Variants in AHCYL2 observed in about 807,000 individuals in gnomAD.
AHCYL2 encodes adenosylhomocysteinase like 2, also known as S-adenosylhomocysteine hydrolase-like protein 2.
In AHCYL2, 28 loss-of-function variants were observed where a neutral mutation model predicts 81.4. The observed-to-expected ratio is 0.34, with a 90% CI of 0.25 to 0.47. The LOEUF is 0.47. Among genes scored for constraint, AHCYL2 ranks in the 20% least tolerant of loss-of-function variants. The pLI, the probability that AHCYL2 is intolerant of heterozygous loss-of-function variation, is 1.00. For synonymous variants in AHCYL2, 272 were observed against 290.2 expected (o/e 0.94, Z 0.64); for missense variants, 551 against 785.1 (o/e 0.70, Z 3.56).
chr7:129,405,512 G>T, intron 8 of AHCYL2: 1 of 338,976 alleles, frequency 3.0e-6, no homozygotes, highest in East Asian at 4.8e-5. Flanking sequence ...CAAGAAAGGG[G>T]AAAAAAAAAG....
At chr7:129,403,923 G>C (rs1204295604) in intron 7 of AHCYL2, among the ~76,000 whole-genome samples, 1 of 142,080 alleles carries the variant, frequency 7.0e-6, no homozygotes, top group Non-Finnish European at 1.5e-5. Context: ...CCACATCTCA[G>C]CTTGCTATGA....
intron 1 of AHCYL2, among the ~76,000 whole-genome samples, chr7:129,233,258 C>G (rs1412828970): frequency 6.6e-6 from 1 of 152,168 alleles, no homozygotes; most frequent in African/African-American, 2.4e-5. Context: ...AGTCACAGCT[C>G]ACTGTAGCCT....
chr7:129,369,614 G>A (rs1012273031), intron 1 of AHCYL2, among the ~76,000 whole-genome samples: 4 of 148,890 alleles, frequency 2.7e-5, no homozygotes, highest in African/African-American at 7.5e-5. Context: ...GTGCAGTGGC[G>A]TGATCTCAGC....
At chr7:129,286,116 T>C (rs1352759751) in intron 1 of AHCYL2, among the ~76,000 whole-genome samples, 2 of 152,138 alleles carry the variant, frequency 1.3e-5, no homozygotes, top group Admixed American at 1.3e-4. Flanking sequence ...GTGTCTTTCT[T>C]TGGAGGGTGA....
intron 1 of AHCYL2, among the ~76,000 whole-genome samples, chr7:129,239,882 C>G (rs1405089352): frequency 6.6e-6 from 1 of 151,940 alleles, no homozygotes; most frequent in Non-Finnish European, 1.5e-5. Context: ...ATGCCCAAGC[C>G]TCTACCCAGT....
At chr7:129,258,234 T>C (rs1371771200) in intron 1 of AHCYL2, among the ~76,000 whole-genome samples, 5 of 147,726 alleles carry the variant, frequency 3.4e-5, no homozygotes, top group Non-Finnish European at 7.5e-5. Flanking sequence ...TTCTCAATTT[T>C]TTTTTTTTTT....
intron 11 of AHCYL2, among the ~76,000 whole-genome samples, chr7:129,409,822 A>C (rs1343723780): frequency 6.6e-6 from 1 of 151,416 alleles, no homozygotes; most frequent in Non-Finnish European, 1.5e-5. Context: ...GATGAGATTC[A>C]CTTATAAAGT....
chr7:129,358,126 G>A (rs1430260713), intron 1 of AHCYL2, among the ~76,000 whole-genome samples: 1 of 151,826 alleles, frequency 6.6e-6, no homozygotes, highest in Admixed American at 6.6e-5. Flanking sequence ...AGGGGCGGTG[G>A]CTCACCCCTG....
At chr7:129,247,936 C>A (rs555222229) in intron 1 of AHCYL2, among the ~76,000 whole-genome samples, 4 of 152,272 alleles carry the variant, frequency 2.6e-5, no homozygotes, top group East Asian at 3.9e-4. Context: ...ACAAAGAAAT[C>A]TTTGTGTAAC....
At chr7:129,287,398 G>A (rs1242194034) in intron 1 of AHCYL2, among the ~76,000 whole-genome samples, 3 of 152,188 alleles carry the variant, frequency 2.0e-5, no homozygotes, top group South Asian at 4.1e-4. Flanking sequence ...TGTTTAATCA[G>A]TACTGGCTGT....
At chr7:129,280,879 T>C (rs991958051) in intron 1 of AHCYL2, among the ~76,000 whole-genome samples, 1 of 151,804 alleles carries the variant, frequency 6.6e-6, no homozygotes, top group Non-Finnish European at 1.5e-5. Flanking sequence ...TTTTTTTTTT[T>C]TTTGAGACAG....
Position 129,406,540 on chromosome 7 carries a change from T to A in AHCYL2, c.1295+74T>A. On this transcript the variant is annotated intron_variant, in intron 10 of 16. Coordinates refer to ENST00000325006, the MANE Select transcript of AHCYL2 (RefSeq NM_015328.4). This position sits in a 1 kb window ranked among gnomAD's most constrained non-coding sequence, Gnocchi z 4.3. ...AAGAATGGCCTGGTTGATGCCACAC[T>A]TTATTTTAGAGGAGCCCAGATCCTC... 7.0e-7 allele frequency: 1 copy of A among 1,434,922 alleles called. No homozygotes were observed. Among genetic ancestry groups the A allele is most frequent in the Non-Finnish European group, 9.8e-7 (1 of 1,017,506 alleles). 88.9% of individuals were successfully genotyped at this position (1,434,922 alleles called of 1,614,324 possible). A position where few individuals can be genotyped will look rare whatever the true frequency, so the allele number is the denominator to read the frequency against.
At chr7:129,386,704 T>G (rs1288103555) in intron 2 of AHCYL2, among the ~76,000 whole-genome samples, 1 of 152,148 alleles carries the variant, frequency 6.6e-6, no homozygotes, top group African/African-American at 2.4e-5. Flanking sequence ...CTTTTTGGTT[T>G]TCTTCTGACT....
chr7:129,276,752 G>GA (rs1362525778), intron 1 of AHCYL2, among the ~76,000 whole-genome samples: 13 of 93,920 alleles, frequency 1.4e-4, no homozygotes, highest in African/African-American at 3.0e-4. Flanking sequence ...AAAAAAAAAA[G>GA]AAAAAAACCA....
At chr7:129,307,439 CAA>C (rs1185515859) in intron 1 of AHCYL2, among the ~76,000 whole-genome samples, 1 of 152,070 alleles carries the variant, frequency 6.6e-6, no homozygotes, top group African/African-American at 2.4e-5. Context: ...ACTTAAGGCC[CAA>C]GGGCTCTTCA....
chr7:129,320,811 A>G (rs1048203339), intron 1 of AHCYL2, among the ~76,000 whole-genome samples: 7 of 152,072 alleles, frequency 4.6e-5, no homozygotes, highest in South Asian at 2.1e-4. Context: ...CCTGGCAACC[A>G]CTAACCTACT....
intron 1 of AHCYL2, among the ~76,000 whole-genome samples, chr7:129,352,157 G>A (rs1484528640): frequency 3.3e-5 from 5 of 152,040 alleles, no homozygotes; most frequent in Non-Finnish European, 7.4e-5. Flanking sequence ...AACTGCACTA[G>A]GCTCCTTTTT....
intron 1 of AHCYL2, among the ~76,000 whole-genome samples, chr7:129,339,142 C>G (rs1793068946): frequency 6.6e-6 from 1 of 152,194 alleles, no homozygotes; most frequent in Admixed American, 6.5e-5. Flanking sequence ...ACTTCTCCCT[C>G]GGTTCTAACT....
intron 1 of AHCYL2, among the ~76,000 whole-genome samples, chr7:129,297,209 A>G (rs1351264978): frequency 6.6e-6 from 1 of 152,202 alleles, no homozygotes; most frequent in Non-Finnish European, 1.5e-5. Flanking sequence ...ATCACTGTTT[A>G]TTCCAATTAC....
Sources: gnomAD v4.1 joint callset for allele counts (sites outside exome capture counted in the v4.1 genomes callset) on GRCh38, gnomAD v4.1.1 for gene constraint, Gnocchi (gnomAD v3.1) non-coding constraint, MANE v1.5 for transcripts, NCBI Gene and HGNC (gene_info 2026-07-23, HGNC 2026-07-21) for gene names.